Variants in TTC7B observed in about 807,000 individuals in gnomAD.
TTC7B encodes tetratricopeptide repeat protein 7B.
Under a neutral mutation model 106.8 loss-of-function variants are expected in TTC7B, and 28 were observed. The observed-to-expected ratio is 0.26, with a 90% confidence interval of 0.19 to 0.36. The LOEUF is 0.36. Among genes scored for constraint, TTC7B ranks in the 10% least tolerant of loss-of-function variants. The pLI, the probability that TTC7B is intolerant of heterozygous loss-of-function variation, is 1.00. For missense variants in TTC7B, 862 were observed against 1,076.4 expected, an observed-to-expected ratio of 0.80 and a Z score of 2.79; for synonymous variants, 405 against 430.6, an observed-to-expected ratio of 0.94 and a Z score of 0.74.
intron 9 of TTC7B, among the ~76,000 whole-genome samples, chr14:90,661,755 G>T (rs926028103): frequency 4.6e-5 from 7 of 152,108 alleles, no homozygotes; most frequent in East Asian, 1.9e-4. Flanking sequence ...TGTTTAAATG[G>T]TTTTTTTGTC....
At chr14:90,803,909 C>T (rs901060282) in intron 1 of TTC7B, among the ~76,000 whole-genome samples, 4 of 151,918 alleles carry the variant, frequency 2.6e-5, no homozygotes, top group African/African-American at 9.7e-5. Flanking sequence ...GGCCTGTCCC[C>T]GGAGCCCAGC....
chr14:90,738,542 G>A (rs922968105), intron 4 of TTC7B, among the ~76,000 whole-genome samples: 1 of 152,024 alleles, frequency 6.6e-6, no homozygotes, highest in Non-Finnish European at 1.5e-5. Context: ...GGGAGGCGGA[G>A]GTTGCAGTGT....
intron 18 of TTC7B, among the ~76,000 whole-genome samples, chr14:90,589,276 C>T (rs1891854663): frequency 1.3e-5 from 2 of 152,122 alleles, no homozygotes; most frequent in Admixed American, 1.3e-4. Flanking sequence ...CACAGTCAGC[C>T]CTCAGTATCC....
chr14:90,798,149 C>G (rs1566893762), intron 1 of TTC7B, among the ~76,000 whole-genome samples: 1 of 152,180 alleles, frequency 6.6e-6, no homozygotes, highest in Non-Finnish European at 1.5e-5. Flanking sequence ...CTAGCCCAGG[C>G]CAACCTGCTG....
chr14:90,686,545 G>A (rs937572292), intron 7 of TTC7B, among the ~76,000 whole-genome samples: 1 of 152,140 alleles, frequency 6.6e-6, no homozygotes, highest in Non-Finnish European at 1.5e-5. Context: ...ATCTATATTA[G>A]TATTAATAGA....
rs748592672 is a variant in TTC7B at position 90,757,189 on chromosome 14, G to C, written c.446-12267C>G. Among the ~76,000 whole-genome samples the C allele has an allele frequency of 6.6e-6, 1 of 152,104 alleles. No individual in the cohort carries two copies. Among genetic ancestry groups the C allele is most frequent in the East Asian group, 1.9e-4 (1 of 5,180 alleles). The stretch of plus-strand genomic sequence containing the variant: ...CTACATAGGCAAAAGAAAGCACCCC[G>C]GAAAGCTCCCCTGAACCACCCCGTT... On this transcript the variant is annotated intron_variant, in intron 3 of 19. Transcript: ENST00000328459. This position sits in a 1 kb window ranked among gnomAD's most constrained non-coding sequence, Gnocchi z 4.1.
At chr14:90,542,551 T>C (rs1889647960) in intron 19 of TTC7B, among the ~76,000 whole-genome samples, 2 of 152,176 alleles carry the variant, frequency 1.3e-5, no homozygotes, top group South Asian at 4.1e-4. Context: ...GTAGGTCACA[T>C]CCAATCTCTT....
chr14:90,595,818 A>C (rs1892178442), intron 17 of TTC7B, among the ~76,000 whole-genome samples: 1 of 152,248 alleles, frequency 6.6e-6, no homozygotes, highest in African/African-American at 2.4e-5. Context: ...ACCCCAAGTG[A>C]TTCCAATGTG....
At chr14:90,716,994 TAA>T (rs1464582146) in intron 5 of TTC7B, among the ~76,000 whole-genome samples, 1 of 151,824 alleles carries the variant, frequency 6.6e-6, no homozygotes, top group East Asian at 1.9e-4. Flanking sequence ...AAATAAAAAG[TAA>T]AAATTCAAAC....
chr14:90,694,912 ATT>A (rs1595290208), intron 6 of TTC7B, among the ~76,000 whole-genome samples: 1 of 53,976 alleles, frequency 1.9e-5, no homozygotes, highest in African/African-American at 6.4e-5. Context: ...TGTCACATAT[ATT>A]TATTATAAAT....
intron 6 of TTC7B, among the ~76,000 whole-genome samples, chr14:90,690,597 T>A (rs1887432885): frequency 6.6e-6 from 1 of 152,148 alleles, no homozygotes; most frequent in African/African-American, 2.4e-5. Flanking sequence ...AGAGGATAAG[T>A]AATTTAAAAA....
intron 4 of TTC7B, among the ~76,000 whole-genome samples, chr14:90,733,837 A>G (rs1889417915): frequency 6.6e-6 from 1 of 152,202 alleles, no homozygotes; most frequent in African/African-American, 2.4e-5. Flanking sequence ...CATCTATACA[A>G]TGGGGATAAT....
intron 17 of TTC7B, among the ~76,000 whole-genome samples, chr14:90,602,498 G>C (rs1892466375): frequency 1.3e-5 from 2 of 152,070 alleles, no homozygotes; most frequent in African/African-American, 4.8e-5. Flanking sequence ...CCCAGGAGTT[G>C]GAAACCAGCC....
At chr14:90,723,644 T>A (rs77986468) in intron 5 of TTC7B, among the ~76,000 whole-genome samples, 2,951 of 152,140 alleles carry the variant, frequency 0.019, 49 homozygotes, top group Middle Eastern at 0.037. Context: ...CAAGTCTTGG[T>A]CTCATCTCAA....
Position 90,593,542 on chromosome 14 carries a change from G to T in TTC7B, c.2051C>A (p.Pro684His). 2 of 1,611,608 alleles carry T rather than the reference G, an allele frequency of 1.2e-6. No homozygotes were observed. Among genetic ancestry groups the T allele is most frequent in the Non-Finnish European group, 8.5e-7 (1 of 1,178,574 alleles). Reference protein sequence around the residue: ...EVASSLQSSAPKQGPLHPWMT... With the variant: ...EVASSLQSSAHKQGPLHPWMT... ...CCAGGGGTGCAGCGGGCCCTGCTTAGGGGCACTGCTCTGCAGAGACGAAGC... is the reference window on the plus strand; with the variant it reads ...CCAGGGGTGCAGCGGGCCCTGCTTATGGGCACTGCTCTGCAGAGACGAAGC... The change falls in exon 18 of 20, where the codon CCT (proline) becomes CAT (histidine). Residue 684 changes from proline to histidine, a missense_variant. Coordinates refer to ENST00000328459, the MANE Select transcript of TTC7B (RefSeq NM_001010854.2).
intron 15 of TTC7B, among the ~76,000 whole-genome samples, chr14:90,635,212 TC>T (rs11302555): frequency 0.034 from 5,173 of 152,214 alleles, 112 homozygotes; most frequent in Non-Finnish European, 0.048. Flanking sequence ...CACTAAAATT[TC>T]TTGGGTAATC....
rs548721157 is a variant in TTC7B, at chr14:90,805,569, A to C, written c.121+10606T>G. ...GCATGAGCCACCGCGCCCGGCCTAA[A>C]CCTCACCTCTATCTGCAAGGTTGGA... On this transcript the variant is annotated intron_variant, in intron 1 of 19. Transcript: ENST00000328459. The surrounding 1 kb of genome is among the most constrained non-coding windows in gnomAD (Gnocchi z 4.0). Among the ~76,000 whole-genome samples the C allele has an allele frequency of 6.6e-6, 1 of 152,170 alleles. No homozygotes were observed. Among genetic ancestry groups the C allele is most frequent in the South Asian group, 2.1e-4 (1 of 4,818 alleles).
intron 5 of TTC7B, among the ~76,000 whole-genome samples, chr14:90,712,834 T>G (rs1467749685): frequency 1.3e-5 from 2 of 152,116 alleles, no homozygotes; most frequent in Non-Finnish European, 2.9e-5. Context: ...TAAAAAGAAC[T>G]AAGTTGGAGG....
intron 15 of TTC7B, among the ~76,000 whole-genome samples, chr14:90,637,347 A>G (rs571232727): frequency 1.3e-5 from 2 of 152,200 alleles, no homozygotes; most frequent in South Asian, 4.1e-4. Flanking sequence ...GAAATAGAAG[A>G]CCTGAATAGA....
Sources: allele counts gnomAD v4.1 joint callset (sites outside exome capture counted in the v4.1 genomes callset), GRCh38; gene constraint gnomAD v4.1.1; non-coding constraint Gnocchi (gnomAD v3.1); transcripts MANE v1.5; gene names NCBI Gene and HGNC (gene_info 2026-07-23, HGNC 2026-07-21).